EXOC6: variants seen among roughly 807,000 people sequenced by gnomAD.
EXOC6 encodes exocyst complex component 6.
Under a neutral mutation model 112.5 loss-of-function variants are expected in EXOC6, and 60 were observed. The observed-to-expected ratio is 0.53, with a 90% CI of 0.43 to 0.66. The LOEUF (loss-of-function observed/expected upper bound fraction) is 0.66. EXOC6 is among the 30% of genes least tolerant of loss of function. The pLI is 0.00. For synonymous variants in EXOC6, 295 were observed against 308.0 expected (o/e 0.96, Z 0.44); for missense variants, 855 against 957.1 (o/e 0.89, Z 1.41).
At chr10:93,006,713 A>G (rs1409341256) in intron 19 of EXOC6, among the ~76,000 whole-genome samples, 1 of 152,238 alleles carries the variant, frequency 6.6e-6, no homozygotes, top group Non-Finnish European at 1.5e-5. Flanking sequence ...TCTAATAACA[A>G]AGTTTGTTAA....
chr10:92,864,619 C>T lies in EXOC6; in HGVS notation c.101+15985C>T, dbSNP rs750813342. ...AGACTGAGTAAAGAAGGTCTGCCAT[C>T]GCCAATGTGGGTGGACATTCAATCC... is the stretch of plus-strand genomic sequence containing the variant. On this transcript the variant is annotated intron_variant, in intron 1 of 21. Coordinates refer to ENST00000260762, the MANE Select transcript of EXOC6 (RefSeq NM_019053.6). 4.0e-5 allele frequency among the ~76,000 whole-genome samples: 6 copies of T among 151,466 alleles called. No individual in the cohort carries two copies. The South Asian group carries it at 6.2e-4, about 16-fold the overall frequency.
intron 5 of EXOC6, among the ~76,000 whole-genome samples, chr10:92,902,850 T>C (rs1453354834): frequency 6.6e-6 from 1 of 152,182 alleles, no homozygotes; most frequent in Non-Finnish European, 1.5e-5. Context: ...TTGATATAAA[T>C]GGAATCTTCT....
chr10:92,909,726 A>T (rs1850635098), intron 6 of EXOC6, 95 bp downstream of exon 6: 1 of 746,604 alleles, frequency 1.3e-6, no homozygotes, highest in African/African-American at 1.8e-5. Context: ...TAAAATGCTT[A>T]TTTTTGTTTT....
At chr10:92,879,554 T>C (rs1271820655) in intron 1 of EXOC6, among the ~76,000 whole-genome samples, 2 of 151,116 alleles carry the variant, frequency 1.3e-5, no homozygotes, top group African/African-American at 4.8e-5. Flanking sequence ...ATATATGACA[T>C]CTAACATGAA....
At chr10:92,955,386 GTGTA>G (rs1256637696) in intron 16 of EXOC6, among the ~76,000 whole-genome samples, 190 bp from the exon 17 acceptor site, 173 of 148,754 alleles carry the variant, frequency 1.2e-3, no homozygotes, top group African/African-American at 4.3e-3. Flanking sequence ...GTGTGTGTGT[GTGTA>G]TATATATATA....
At chr10:92,860,996 CTCT>C (rs750958566) in intron 1 of EXOC6, among the ~76,000 whole-genome samples, 3 of 152,146 alleles carry the variant, frequency 2.0e-5, no homozygotes, top group African/African-American at 4.8e-5. Context: ...TGCAGGAAGG[CTCT>C]TCTTCACTTT....
intron 19 of EXOC6, among the ~76,000 whole-genome samples, chr10:92,999,707 A>T (rs1281596101): frequency 3.4e-5 from 5 of 145,416 alleles, no homozygotes; most frequent in Non-Finnish European, 7.5e-5. Context: ...ATTGTGCCTA[A>T]TTTTTTTTTT....
intron 15 of EXOC6, among the ~76,000 whole-genome samples, chr10:92,953,076 C>CTTTTGTTTTTA (rs1853509429): frequency 6.6e-6 from 1 of 151,834 alleles, no homozygotes; most frequent in African/African-American, 2.4e-5. Context: ...TTTGTTTTTG[C>CTTTTGTTTTTA]TTTTGTTTTT....
chr10:92,961,457 A>G (rs1358830421), intron 17 of EXOC6, among the ~76,000 whole-genome samples: 1 of 152,184 alleles, frequency 6.6e-6, no homozygotes, highest in Non-Finnish European at 1.5e-5. Context: ...AAATCCTAAA[A>G]GGTAAGTTAG....
At chr10:92,861,248 T>G (rs1294920659) in intron 1 of EXOC6, among the ~76,000 whole-genome samples, 1 of 152,212 alleles carries the variant, frequency 6.6e-6, no homozygotes, top group Admixed American at 6.5e-5. Flanking sequence ...CTTGAGCCAC[T>G]GCTCTAGATC....
chr10:92,850,074 C>G (rs1847249263), intron 1 of EXOC6, among the ~76,000 whole-genome samples: 1 of 152,062 alleles, frequency 6.6e-6, no homozygotes, highest in Non-Finnish European at 1.5e-5. Context: ...TAAAAGGAAG[C>G]TTTGTTTTCA....
At position 92,983,290 on chromosome 10, in the gene EXOC6, T is replaced by G. The variant is rs115906359; in HGVS notation, c.1953+9058T>G. Among the ~76,000 whole-genome samples, 1,047 of 152,318 alleles carry G rather than the reference T, an allele frequency of 6.9e-3. 22 individuals carry two copies. Among genetic ancestry groups the G allele is most frequent in the African/African-American group, 0.024 (994 of 41,566 alleles). On this transcript the variant is annotated intron_variant, in intron 18 of 21. Coordinates refer to ENST00000260762, the MANE Select transcript of EXOC6 (RefSeq NM_019053.6). ...TTGGAATGGAAAATAGACCCTCTCCTTTCCCTTTCCCCATTTCCACTCCCA... is the reference window on the plus strand; with the variant it reads ...TTGGAATGGAAAATAGACCCTCTCCGTTCCCTTTCCCCATTTCCACTCCCA...
chr10:93,045,346 CTTTAT>C (rs914037102), intron 20 of EXOC6, among the ~76,000 whole-genome samples: 7 of 152,134 alleles, frequency 4.6e-5, no homozygotes, highest in African/African-American at 1.7e-4. Flanking sequence ...TGTTCATTTG[CTTTAT>C]TTTAAGTCAT....
At chr10:92,847,548 C>A (rs1024665855), upstream of EXOC6, among the ~76,000 whole-genome samples, 3 of 152,198 alleles carry the variant, frequency 2.0e-5, no homozygotes, top group Admixed American at 6.5e-5. Context: ...TAATGTAGAG[C>A]AGAAAGTAGT....
intron 4 of EXOC6, 109 bp downstream of exon 4, chr10:92,895,129 C>A: frequency 1.4e-6 from 1 of 712,200 alleles, no homozygotes. Flanking sequence ...TGGTGATTGC[C>A]TCACAACAAA....
chr10:93,047,330 A>C (rs761556004), intron 20 of EXOC6, among the ~76,000 whole-genome samples: 2 of 150,718 alleles, frequency 1.3e-5, no homozygotes, highest in Non-Finnish European at 3.0e-5. Flanking sequence ...TGAGCCCCGG[A>C]GTTCGAGACC....
upstream of EXOC6, among the ~76,000 whole-genome samples, chr10:92,845,296 T>C (rs1325197123): frequency 1.3e-5 from 2 of 152,210 alleles, no homozygotes; most frequent in African/African-American, 4.8e-5. Flanking sequence ...CTCATGCCTG[T>C]AATCCCAGCA....
intron 18 of EXOC6, among the ~76,000 whole-genome samples, chr10:92,983,991 G>C (rs1216704866): frequency 2.6e-5 from 4 of 152,034 alleles, no homozygotes; most frequent in Non-Finnish European, 5.9e-5. Context: ...CAGGTTATTA[G>C]TATTTACATT....
At chr10:92,971,837 G>T (rs1479174437) in intron 17 of EXOC6, among the ~76,000 whole-genome samples, 2 of 151,948 alleles carry the variant, frequency 1.3e-5, no homozygotes, top group Non-Finnish European at 2.9e-5. Context: ...CCGTGTATTG[G>T]TCATACTTTG....
Sources: gnomAD v4.1 joint callset for allele counts (sites outside exome capture counted in the v4.1 genomes callset) on GRCh38, gnomAD v4.1.1 for gene constraint, MANE v1.5 for transcripts, NCBI Gene and HGNC (gene_info 2026-07-23, HGNC 2026-07-21) for gene names.